Variants in DPP8 observed in about 807,000 individuals in gnomAD.
The protein encoded by DPP8 is DPP VIII.
In DPP8, 31 loss-of-function variants were observed where a neutral mutation model predicts 107.5. That is an observed-to-expected ratio of 0.29 (90% CI 0.22 to 0.39). DPP8 has a LOEUF of 0.39. Ranked by LOEUF, DPP8 falls within the 10% of genes least tolerant of loss-of-function variation. DPP8 has a pLI of 1.00. For synonymous variants in DPP8, 381 were observed against 356.6 expected (o/e 1.07, Z -0.77); for missense variants, 842 against 1,076.1 (o/e 0.78, Z 3.04).
intron 1 of DPP8, among the ~76,000 whole-genome samples, chr15:65,514,329 C>A (rs772172551): frequency 5.3e-5 from 8 of 152,126 alleles, no homozygotes; most frequent in Non-Finnish European, 1.0e-4. Flanking sequence ...AAATCCAAAA[C>A]AGCTTGGCAG....
intron 2 of DPP8, among the ~76,000 whole-genome samples, chr15:65,509,007 G>T (rs984518506): frequency 6.6e-6 from 1 of 152,178 alleles, no homozygotes; most frequent in African/African-American, 2.4e-5. Flanking sequence ...CTCGGGAAAG[G>T]TATTTATGAT....
At chr15:65,458,748 T>A (rs1368928016) in intron 15 of DPP8, 1 of 152,202 alleles carries the variant, frequency 6.6e-6, no homozygotes, top group East Asian at 1.9e-4. Flanking sequence ...TGTTGCTGTT[T>A]CAACATATTT....
At chr15:65,474,172 T>C in intron 12 of DPP8, 37 bp downstream of exon 12, 1 of 1,446,354 alleles carries the variant, frequency 6.9e-7, no homozygotes, top group South Asian at 1.1e-5. Context: ...CACACAGTAA[T>C]ACTGACCAAA....
chr15:65,450,494 A>G (rs1302151711), intron 19 of DPP8, among the ~76,000 whole-genome samples: 1 of 152,204 alleles, frequency 6.6e-6, no homozygotes, highest in East Asian at 1.9e-4. Flanking sequence ...GTGTGCACAT[A>G]ATCTGTTTAA....
At chr15:65,474,028 C>T (rs1485503792) in intron 12 of DPP8, among the ~76,000 whole-genome samples, 181 bp downstream of exon 12, 2 of 152,026 alleles carry the variant, frequency 1.3e-5, no homozygotes, top group East Asian at 1.9e-4. Flanking sequence ...TGCTTGAACC[C>T]GGGAGGTGGA....
At chr15:65,481,473 T>A in intron 9 of DPP8, 42 bp downstream of exon 9, 3 of 1,320,158 alleles carry the variant, frequency 2.3e-6, no homozygotes, top group South Asian at 1.3e-5. Context: ...AAGCTCTGGA[T>A]CCTAAATTAG....
intron 15 of DPP8, chr15:65,458,833 C>G (rs2064667818): frequency 6.6e-6 from 1 of 151,958 alleles, no homozygotes; most frequent in African/African-American, 2.4e-5. Context: ...AAGATTTAAA[C>G]AAATTTTACA....
chr15:65,501,119 C>T (rs963711647), intron 3 of DPP8, among the ~76,000 whole-genome samples: 47 of 152,054 alleles, frequency 3.1e-4, no homozygotes, highest in African/African-American at 9.9e-4. Context: ...CCTCGTGATC[C>T]GCCTGCCTCG....
At chr15:65,487,258 T>C (rs965234936) in intron 7 of DPP8, among the ~76,000 whole-genome samples, 4 of 152,080 alleles carry the variant, frequency 2.6e-5, no homozygotes, top group Admixed American at 2.0e-4. Flanking sequence ...CAAGCAATTA[T>C]CCTGCGTCAG....
intron 5 of DPP8, 23 bp downstream of exon 5, chr15:65,497,841 A>G: frequency 7.0e-7 from 1 of 1,424,972 alleles, no homozygotes; most frequent in Non-Finnish European, 9.3e-7. Context: ...TCAGAAAAGT[A>G]AATCTGAAGA....
intron 3 of DPP8, among the ~76,000 whole-genome samples, chr15:65,504,985 T>TA (rs1567281868): frequency 1.3e-5 from 2 of 151,878 alleles, no homozygotes; most frequent in Admixed American, 6.6e-5. Context: ...CTGTCTCAAT[T>TA]AAAAAAAGAA....
chr15:65,452,120 G>A lies in DPP8; in HGVS notation c.2272-18C>T. On this transcript the variant is annotated intron_variant, in intron 17 of 19. Transcript: ENST00000300141. The stretch of plus-strand genomic sequence containing the variant: ...ATAGCAACCTGCATAAGATGACATT[G>A]ACAGTCAAGTGTGGTCTGGAAAAAG... 1 of 1,596,286 alleles carries A rather than the reference G, an allele frequency of 6.3e-7. No homozygotes were observed. Among genetic ancestry groups the A allele is most frequent in the Non-Finnish European group, 8.5e-7 (1 of 1,173,944 alleles).
chr15:65,487,958 T>C (rs1225161084), intron 6 of DPP8, 140 bp from the exon 7 acceptor site: 3 of 633,966 alleles, frequency 4.7e-6, no homozygotes, highest in Admixed American at 3.1e-5. Context: ...TGTAGGAAAA[T>C]ATCACTAGTC....
intron 8 of DPP8, among the ~76,000 whole-genome samples, chr15:65,483,778 A>T (rs1219294057): frequency 6.6e-6 from 1 of 152,154 alleles, no homozygotes; most frequent in Non-Finnish European, 1.5e-5. Flanking sequence ...ACTTGTACAC[A>T]CATACTCATG....
At chr15:65,458,197 C>G (rs2064601590) in intron 15 of DPP8, among the ~76,000 whole-genome samples, 1 of 152,168 alleles carries the variant, frequency 6.6e-6, no homozygotes, top group African/African-American at 2.4e-5. Context: ...AGCCTGATCT[C>G]TTTGGATTTT....
At chr15:65,463,499 G>A (rs144573659) in intron 15 of DPP8, among the ~76,000 whole-genome samples, 313 of 150,958 alleles carry the variant, frequency 2.1e-3, no homozygotes, top group Middle Eastern at 3.4e-3. Context: ...CCGACATTGC[G>A]CCATTGTACT....
intron 5 of DPP8, among the ~76,000 whole-genome samples, chr15:65,492,684 C>A (rs1409735441): frequency 1.3e-5 from 2 of 151,020 alleles, no homozygotes; most frequent in Non-Finnish European, 3.0e-5. Flanking sequence ...CAGCCTTCAT[C>A]TCCTGGGCTC....
intron 7 of DPP8, among the ~76,000 whole-genome samples, chr15:65,485,556 A>G (rs2067334366): frequency 6.6e-6 from 1 of 151,498 alleles, no homozygotes; most frequent in East Asian, 1.9e-4. Context: ...AAAAAAAAAA[A>G]AAAAAAAAGA....
rs539295997 is a variant in DPP8, at chr15:65,453,238, T to G, written c.2271+1025A>C. Among the ~76,000 whole-genome samples, 9 of 152,334 alleles carry G rather than the reference T, an allele frequency of 5.9e-5. No individual in the cohort carries two copies. The East Asian group carries it at 1.7e-3, about 29-fold the overall frequency. Reference sequence around the variant, plus strand: ...TGCTTGACTGCTGAAGATACAATGGTGTACAGGGCAAACAGGTCCCTGCCC... The same window carrying G: ...TGCTTGACTGCTGAAGATACAATGGGGTACAGGGCAAACAGGTCCCTGCCC... On this transcript the variant is annotated intron_variant, in intron 17 of 19. Transcript: ENST00000300141.
Sources: gnomAD v4.1 joint callset for allele counts (sites outside exome capture counted in the v4.1 genomes callset) on GRCh38, gnomAD v4.1.1 for gene constraint, MANE v1.5 for transcripts, NCBI Gene and HGNC (gene_info 2026-07-23, HGNC 2026-07-21) for gene names.